Variants in PLXNA4 observed in about 807,000 individuals in gnomAD.
PLXNA4 encodes plexin-A4.
Under a neutral mutation model 191.8 loss-of-function variants are expected in PLXNA4, and 44 were observed. The observed-to-expected ratio is 0.23, with a 90% CI of 0.18 to 0.29. The LOEUF is 0.29. Ranked by LOEUF, PLXNA4 falls within the 10% of genes least tolerant of loss-of-function variation. The pLI, the probability that PLXNA4 is intolerant of heterozygous loss-of-function variation, is 1.00. For synonymous variants in PLXNA4, 1,082 were observed against 1,009.5 expected, an observed-to-expected ratio of 1.07 and a Z score of -1.36; for missense variants, 1,800 against 2,488.8, an observed-to-expected ratio of 0.72 and a Z score of 5.89.
intron 3 of PLXNA4, chr7:132,383,636 A>G (rs1804990630): frequency 1.0e-6 from 1 of 982,920 alleles, no homozygotes; most frequent in African/African-American, 1.7e-5. Flanking sequence ...CTACATAAAT[A>G]TACCAAATCT....
chr7:132,327,933 G>A (rs1802435635), intron 3 of PLXNA4, among the ~76,000 whole-genome samples: 1 of 152,136 alleles, frequency 6.6e-6, no homozygotes, highest in African/African-American at 2.4e-5. Flanking sequence ...TGAGAACAGG[G>A]AGAGCCGCCC....
chr7:132,490,867 T>G (rs1200702045), intron 2 of PLXNA4, among the ~76,000 whole-genome samples: 1 of 152,158 alleles, frequency 6.6e-6, no homozygotes, highest in African/African-American at 2.4e-5. Context: ...TTGGGGCCAG[T>G]TCCCCCACTG....
chr7:132,479,584 G>A (rs56174025), intron 3 of PLXNA4, among the ~76,000 whole-genome samples: 6,250 of 152,294 alleles, frequency 0.041, 210 homozygotes, highest in African/African-American at 0.083. Context: ...AATGCCGCCC[G>A]GCAGTGGGTG....
intron 9 of PLXNA4, among the ~76,000 whole-genome samples, chr7:132,222,718 AG>A (rs1448944307): frequency 6.6e-6 from 1 of 152,258 alleles, no homozygotes; most frequent in Non-Finnish European, 1.5e-5. Context: ...CTGTTATCCC[AG>A]AAGTCCTTGC....
chr7:132,435,562 A>G (rs1445338567), intron 3 of PLXNA4, among the ~76,000 whole-genome samples: 1 of 152,200 alleles, frequency 6.6e-6, no homozygotes, highest in Admixed American at 6.5e-5. Context: ...AGAAAGAACA[A>G]TGAGGAGTGT....
chr7:132,627,199 T>C (rs1803395761), intron 2 of PLXNA4, among the ~76,000 whole-genome samples: 1 of 152,228 alleles, frequency 6.6e-6, no homozygotes, highest in African/African-American at 2.4e-5. Flanking sequence ...CCCATCACCT[T>C]CTGCCATTTA....
rs923198360 is a variant in PLXNA4 at position 132,127,636 on chromosome 7, C to A, written c.*2843G>T. 5 of 152,126 alleles carry A rather than the reference C, an allele frequency of 3.3e-5. No individual in the cohort carries two copies. Among genetic ancestry groups the A allele is most frequent in the African/African-American group, 4.8e-5 (2 of 41,422 alleles). The allele number at this position is 152,126 out of a possible 1,614,324, so 9.4% of individuals were successfully genotyped here. ...CAAGATGGGCTGTGGCTCTGGATAC[C>A]TGGCTCAAATTTCTCAGTCCCCAAG... On this transcript the variant is annotated 3_prime_UTR_variant, in exon 32 of 32. Coordinates refer to ENST00000321063, the MANE Select transcript of PLXNA4 (RefSeq NM_020911.2).
At chr7:132,327,763 C>G (rs1001635159) in intron 3 of PLXNA4, among the ~76,000 whole-genome samples, 1 of 152,190 alleles carries the variant, frequency 6.6e-6, no homozygotes, top group Non-Finnish European at 1.5e-5. Flanking sequence ...TAACAAATCT[C>G]TAAAACAGAG....
rs1016370094 is a variant in PLXNA4 at position 132,534,216 on chromosome 7, T to C, written c.-86-25437A>G. Among the ~76,000 whole-genome samples the C allele has an allele frequency of 3.3e-5, 5 of 152,158 alleles. No homozygotes were observed. The East Asian group carries it at 9.7e-4, about 29-fold the overall frequency. ...CAACAAGGAGAGGATACAAGACTAC[T>C]TGGCTGGAACAGGGATACCTGGTGA... On this transcript the variant is annotated intron_variant, in intron 1 of 31. Transcript: ENST00000321063.
intron 4 of PLXNA4, among the ~76,000 whole-genome samples, chr7:132,260,427 G>A (rs1228124705): frequency 6.6e-6 from 1 of 152,154 alleles, no homozygotes; most frequent in African/African-American, 2.4e-5. Context: ...AATACTGTAT[G>A]TTCCCACTAA....
intron 12 of PLXNA4, among the ~76,000 whole-genome samples, chr7:132,201,224 A>G (rs932597121): frequency 6.6e-6 from 1 of 152,038 alleles, no homozygotes; most frequent in African/African-American, 2.4e-5. Flanking sequence ...GGAGGAACCG[A>G]CCCTGCCAAC....
chr7:132,169,733 A>G (rs7782869), intron 21 of PLXNA4, among the ~76,000 whole-genome samples: 52,453 of 151,220 alleles, frequency 0.35, 10,778 homozygotes, highest in African/African-American at 0.56. Flanking sequence ...GGGACTGGCC[A>G]TGTTCTGCTT....
chr7:132,148,213 T>G (rs1324096437), intron 26 of PLXNA4, among the ~76,000 whole-genome samples: 1 of 152,174 alleles, frequency 6.6e-6, no homozygotes, highest in Non-Finnish European at 1.5e-5. Flanking sequence ...TGGAGTAACT[T>G]CTGGCAAGAG....
chr7:132,557,461 G>T (rs966172357), intron 1 of PLXNA4, among the ~76,000 whole-genome samples: 17 of 151,818 alleles, frequency 1.1e-4, no homozygotes, highest in Admixed American at 6.6e-4. Flanking sequence ...GGCAGGGGGG[G>T]ACGTAAAGAT....
intron 9 of PLXNA4, among the ~76,000 whole-genome samples, chr7:132,217,176 C>T (rs192109157): frequency 1.8e-4 from 27 of 152,338 alleles, no homozygotes; most frequent in African/African-American, 4.8e-4. Flanking sequence ...AAATACAAAT[C>T]GCACTGCTAA....
At chr7:132,241,626 T>C (rs1203969765) in intron 4 of PLXNA4, among the ~76,000 whole-genome samples, 1 of 152,226 alleles carries the variant, frequency 6.6e-6, no homozygotes, top group Non-Finnish European at 1.5e-5. Context: ...AGTTTCGTCA[T>C]TTTTGCTGCT....
chr7:132,185,141 C>A (rs1218541245), intron 16 of PLXNA4, among the ~76,000 whole-genome samples, 158 bp downstream of exon 16: 1 of 152,144 alleles, frequency 6.6e-6, no homozygotes, highest in African/African-American at 2.4e-5. Context: ...AGGAGGGAGC[C>A]ACAGTAGGAA....
intron 3 of PLXNA4, among the ~76,000 whole-genome samples, chr7:132,463,115 T>G (rs1331221139): frequency 6.6e-6 from 1 of 152,088 alleles, no homozygotes; most frequent in South Asian, 2.1e-4. Flanking sequence ...CCTCTCAAAG[T>G]GCTAGGATTA....
chr7:132,179,822 C>T lies in PLXNA4; in HGVS notation c.3739G>A (p.Gly1247Ser), dbSNP rs773306424. 87 of 1,612,762 alleles carry T rather than the reference C, an allele frequency of 5.4e-5. No individual in the cohort carries two copies. Among genetic ancestry groups the T allele is most frequent in the Non-Finnish European group, 6.7e-5 (79 of 1,179,858 alleles). The part of the protein sequence containing the change: ...PAIVSIAVAG[G>S]LLIIFIVAVL... ...GCCACGATGAAAATGATGAGGAGGC[C>T]GCCAGCCACTGCGATGCTGACGATG... Residue 1247 changes from glycine to serine, a missense_variant, in exon 20 of 32, where the codon GGC becomes AGC. Around this residue, in one of 6 missense-constraint regions of PLXNA4, gnomAD observed 1,397 missense variants for 1,880.4 expected, o/e 0.74. Coordinates refer to ENST00000321063, the MANE Select transcript of PLXNA4 (RefSeq NM_020911.2).
Sources: allele counts gnomAD v4.1 joint callset (sites outside exome capture counted in the v4.1 genomes callset), GRCh38; gene constraint gnomAD v4.1.1; regional missense constraint gnomAD v4.1.1; transcripts MANE v1.5; gene names NCBI Gene and HGNC (gene_info 2026-07-23, HGNC 2026-07-21).